The following HTR4 variants were observed in gnomAD, a reference collection of about 807,000 sequenced individuals.
The protein encoded by HTR4 is 5-hydroxytryptamine (serotonin) receptor 4, G protein-coupled.
A neutral mutation model predicts 36.8 loss-of-function variants in HTR4; 16 were observed. That is an observed-to-expected ratio of 0.43 (90% CI 0.29 to 0.66). The LOEUF (loss-of-function observed/expected upper bound fraction) is 0.66, where lower values mean the gene tolerates loss of function less well. HTR4 is among the 30% of genes least tolerant of loss of function. The probability of loss-of-function intolerance (pLI) is 0.13; values close to 1 mark genes in which losing one functional copy is unlikely to be tolerated. For synonymous variants in HTR4, 189 were observed against 185.1 expected, an observed-to-expected ratio of 1.02 and a Z score of -0.17; for missense variants, 438 against 490.9, an observed-to-expected ratio of 0.89 and a Z score of 1.02.
At chr5:148,567,145 T>C (rs551899552) in intron 2 of HTR4, among the ~76,000 whole-genome samples, 6 of 152,150 alleles carry the variant, frequency 3.9e-5, no homozygotes, top group African/African-American at 1.4e-4. Flanking sequence ...GCTTAATAGA[T>C]GAAATTTTCT....
At chr5:148,544,772 G>A (rs181696430) in intron 4 of HTR4, among the ~76,000 whole-genome samples, 2 of 152,300 alleles carry the variant, frequency 1.3e-5, no homozygotes, top group African/African-American at 4.8e-5. Context: ...AATGGGAGTT[G>A]GGAAAATGCA....
At chr5:148,590,497 A>T (rs1196649997) in intron 2 of HTR4, among the ~76,000 whole-genome samples, 1 of 150,732 alleles carries the variant, frequency 6.6e-6, no homozygotes, top group African/African-American at 2.4e-5. Flanking sequence ...GGTTGGTATT[A>T]TTTTTATTTT....
chr5:148,460,325 A>G (rs897905671), intron 5 of HTR4, among the ~76,000 whole-genome samples: 23 of 152,186 alleles, frequency 1.5e-4, no homozygotes, highest in African/African-American at 5.5e-4. Flanking sequence ...ATAAATGCCA[A>G]CAAAATTACA....
chr5:148,473,941 C>A (rs763350865), downstream of HTR4, among the ~76,000 whole-genome samples: 1 of 152,006 alleles, frequency 6.6e-6, no homozygotes, highest in African/African-American at 2.4e-5. Context: ...TGCTCTCCAC[C>A]GAGACGGCTA....
intron 2 of HTR4, among the ~76,000 whole-genome samples, chr5:148,619,450 T>C (rs1260788514): frequency 6.6e-6 from 1 of 150,852 alleles, no homozygotes; most frequent in Non-Finnish European, 1.5e-5. Context: ...TAGGCAATCA[T>C]TTAAGTTAAT....
At chr5:148,536,760 A>G (rs956992334) in intron 4 of HTR4, among the ~76,000 whole-genome samples, 11 of 152,200 alleles carry the variant, frequency 7.2e-5, no homozygotes, top group Non-Finnish European at 1.3e-4. Flanking sequence ...AGACCTACAA[A>G]GAGACAACAA....
At chr5:148,609,823 C>T (rs780749800) in intron 2 of HTR4, among the ~76,000 whole-genome samples, 36 of 152,316 alleles carry the variant, frequency 2.4e-4, no homozygotes, top group Middle Eastern at 3.4e-3. Flanking sequence ...ACCTCAGCCT[C>T]CCAAAGTACT....
chr5:148,635,811 C>T (rs1753512902), intron 2 of HTR4, among the ~76,000 whole-genome samples: 1 of 152,092 alleles, frequency 6.6e-6, no homozygotes, highest in African/African-American at 2.4e-5. Context: ...AAAGACCTGG[C>T]ACCAGGTCTG....
At chr5:148,580,002 T>C (rs1270325609) in intron 2 of HTR4, among the ~76,000 whole-genome samples, 1 of 151,934 alleles carries the variant, frequency 6.6e-6, no homozygotes, top group Non-Finnish European at 1.5e-5. Context: ...CCTAGGTGAG[T>C]GTTTTATTGA....
chr5:148,545,302 A>T (rs1416643434), intron 4 of HTR4, among the ~76,000 whole-genome samples: 1 of 152,188 alleles, frequency 6.6e-6, no homozygotes, highest in African/African-American at 2.4e-5. Context: ...TATTGGCATG[A>T]CTCTCACAAA....
intron 2 of HTR4, among the ~76,000 whole-genome samples, chr5:148,587,930 C>T (rs1761409112): frequency 6.6e-6 from 1 of 152,106 alleles, no homozygotes. Context: ...CCTCTTGCAC[C>T]CTCGTACTTC....
chr5:148,453,295 G>C (rs766810555), intron 5 of HTR4, among the ~76,000 whole-genome samples: 8 of 152,172 alleles, frequency 5.3e-5, no homozygotes, highest in South Asian at 2.1e-4. Context: ...CCTATTCTAA[G>C]TGTCTAAGTT....
rs1757383508 is a variant in HTR4, at chr5:148,509,438, C to G, written c.1076+18G>C. On this transcript the variant is annotated intron_variant, in intron 6 of 6. Coordinates refer to ENST00000377888, the MANE Select transcript of HTR4 (RefSeq NM_000870.7). ...AATACAAATCAACCAAATCAATGAA[C>G]TCCCTTAGTATACTCACCTTAGTAC... 1 of 1,544,408 alleles carries G rather than the reference C, an allele frequency of 6.5e-7. No individual in the cohort carries two copies. The highest frequency in any genetic ancestry group is 1.4e-5 in the African/African-American group (1 of 72,998).
chr5:148,500,264 G>A (rs541436719), intron 6 of HTR4, among the ~76,000 whole-genome samples: 7 of 152,164 alleles, frequency 4.6e-5, no homozygotes, highest in African/African-American at 1.7e-4. Context: ...TGAGGTGACA[G>A]CATGAAGACT....
At chr5:148,555,404 C>T (rs1455849827) in intron 2 of HTR4, among the ~76,000 whole-genome samples, 1 of 152,084 alleles carries the variant, frequency 6.6e-6, no homozygotes, top group African/African-American at 2.4e-5. Context: ...TTGTGGCATG[C>T]CAATTAGGAG....
chr5:148,498,115 T>A (rs1189117809), intron 6 of HTR4, among the ~76,000 whole-genome samples: 1 of 152,210 alleles, frequency 6.6e-6, no homozygotes, highest in Non-Finnish European at 1.5e-5. Flanking sequence ...CATATTTTAT[T>A]TCATTGGCTA....
At chr5:148,523,589 GA>G (rs750006766) in intron 4 of HTR4, among the ~76,000 whole-genome samples, 4 of 151,454 alleles carry the variant, frequency 2.6e-5, no homozygotes, top group Non-Finnish European at 5.9e-5. Context: ...GGAAGAGAGA[GA>G]AAAGAACAGA....
Position 148,654,242 on chromosome 5 carries a change from CGCGGGCCAGGGGCT to C in HTR4, c.-242_-229del. 1 of 985,242 alleles carries C rather than the reference CGCGGGCCAGGGGCT, an allele frequency of 1.0e-6. No homozygotes were observed. Among genetic ancestry groups the C allele is most frequent in the South Asian group, 4.7e-5 (1 of 21,288 alleles). The allele number at this position is 985,242 out of a possible 1,614,324, so 61.0% of individuals were successfully genotyped here. ...CGCTGGGGAGCCGGCGAGCGTGAGG[CGCGGGCCAGGGGCT>C]GCGGGCGCAGGACCCCAGCCCCGGA... On this transcript the variant is annotated 5_prime_UTR_variant, in exon 1 of 7. Transcript: ENST00000377888.
chr5:148,587,121 C>T (rs2127253839), intron 2 of HTR4, among the ~76,000 whole-genome samples: 1 of 152,238 alleles, frequency 6.6e-6, no homozygotes, highest in East Asian at 1.9e-4. Context: ...ACCTCTGGAA[C>T]CACGTTTGTT....
Sources: gnomAD v4.1 joint callset for allele counts (sites outside exome capture counted in the v4.1 genomes callset) on GRCh38, gnomAD v4.1.1 for gene constraint, MANE v1.5 for transcripts, NCBI Gene and HGNC (gene_info 2026-07-23, HGNC 2026-07-21) for gene names.